The following SGCD variants were observed in gnomAD, a reference collection of about 807,000 sequenced individuals.
The protein encoded by SGCD is delta-sarcoglycan.
In SGCD, 18 loss-of-function variants were observed where a neutral mutation model predicts 36.6. The ratio of observed to expected loss-of-function variants is 0.49; its 90% CI spans 0.34 to 0.73. SGCD has a LOEUF of 0.73. Ranked by LOEUF, SGCD falls within the 30% of genes least tolerant of loss-of-function variation. The pLI, the probability that SGCD is intolerant of heterozygous loss-of-function variation, is 0.01. For missense variants in SGCD, 387 were observed against 346.7 expected (o/e 1.12, Z -0.92); for synonymous variants, 133 against 130.6 (o/e 1.02, Z -0.12).
intron 7 of SGCD, among the ~76,000 whole-genome samples, chr5:156,690,764 A>T (rs1237531723): frequency 6.6e-6 from 1 of 152,318 alleles, no homozygotes; most frequent in African/African-American, 2.4e-5. Context: ...CATTGGTTTA[A>T]TGTAGCAGAG....
intron 1 of SGCD, among the ~76,000 whole-genome samples, chr5:155,902,579 G>C (rs1391690099): frequency 6.6e-6 from 1 of 152,096 alleles, no homozygotes; most frequent in African/African-American, 2.4e-5. Flanking sequence ...ACCAGGTCAG[G>C]AACCCCAGTG....
chr5:156,484,161 T>C (rs1755559992), intron 3 of SGCD, among the ~76,000 whole-genome samples: 1 of 152,206 alleles, frequency 6.6e-6, no homozygotes, highest in African/African-American at 2.4e-5. Context: ...AACGACATTG[T>C]CATTAAAGAA....
chr5:155,763,927 G>A, the SGCD span, among the ~76,000 whole-genome samples: 1 of 143,716 alleles, frequency 7.0e-6, no homozygotes, highest in Admixed American at 6.8e-5. Flanking sequence ...TTCTTCTTTT[G>A]GAAGGACAAA....
At chr5:155,782,518 A>G in the SGCD span, among the ~76,000 whole-genome samples, 6 of 152,340 alleles carry the variant, frequency 3.9e-5, no homozygotes, top group Non-Finnish European at 7.3e-5. Context: ...TAGTAATTTC[A>G]GTAACTGTCT....
chr5:156,435,865 C>T (rs1275002456), intron 3 of SGCD, among the ~76,000 whole-genome samples: 1 of 152,094 alleles, frequency 6.6e-6, no homozygotes, highest in Admixed American at 6.6e-5. Flanking sequence ...AGGGAGAAAC[C>T]CTTAACTCCC....
chr5:156,026,928 A>G (rs1242690972), intron 1 of SGCD, among the ~76,000 whole-genome samples: 2 of 152,216 alleles, frequency 1.3e-5, no homozygotes, highest in Non-Finnish European at 2.9e-5. Flanking sequence ...TGATGAAAAA[A>G]AATATGAATG....
chr5:156,165,537 A>T (rs1164847174), intron 3 of SGCD, among the ~76,000 whole-genome samples: 1 of 152,182 alleles, frequency 6.6e-6, no homozygotes, highest in African/African-American at 2.4e-5. Context: ...AAGATGATGG[A>T]TCCCAGATGT....
chr5:156,207,099 C>T (rs1764300966), intron 3 of SGCD, among the ~76,000 whole-genome samples: 1 of 152,060 alleles, frequency 6.6e-6, no homozygotes, highest in East Asian at 1.9e-4. Context: ...CAGAGAAACA[C>T]CTGCCTGTAG....
chr5:156,602,031 G>A (rs2113416153), intron 6 of SGCD, among the ~76,000 whole-genome samples: 2 of 152,216 alleles, frequency 1.3e-5, no homozygotes, highest in South Asian at 4.1e-4. Flanking sequence ...AGAATGTTTT[G>A]GGTAGTATGG....
intron 6 of SGCD, among the ~76,000 whole-genome samples, chr5:156,618,886 G>A (rs958836704): frequency 5.3e-5 from 8 of 152,132 alleles, no homozygotes; most frequent in Admixed American, 2.0e-4. Context: ...GACCTTCCCA[G>A]CTGCTCAGCC....
chr5:156,579,498 T>C (rs1208037762), intron 4 of SGCD, among the ~76,000 whole-genome samples: 1 of 152,168 alleles, frequency 6.6e-6, no homozygotes, highest in African/African-American at 2.4e-5. Context: ...ATCTGTCTAA[T>C]ATTGACAGTG....
intron 1 of SGCD, among the ~76,000 whole-genome samples, chr5:156,072,457 C>G (rs921114161): frequency 5.3e-5 from 8 of 151,936 alleles, no homozygotes; most frequent in Non-Finnish European, 1.0e-4. Context: ...TGAATATTGG[C>G]CCCCACTCTC....
chr5:156,410,389 G>C (rs986713327), intron 3 of SGCD, among the ~76,000 whole-genome samples: 1 of 152,132 alleles, frequency 6.6e-6, no homozygotes, highest in Non-Finnish European at 1.5e-5. Context: ...CTACTGGGGA[G>C]GGGGGCAAGG....
the SGCD span, among the ~76,000 whole-genome samples, chr5:155,785,259 A>G: frequency 3.8e-4 from 58 of 152,298 alleles, no homozygotes; most frequent in African/African-American, 1.3e-3. Flanking sequence ...CTCTCCACGG[A>G]CAAGTTTTAT....
the SGCD span, among the ~76,000 whole-genome samples, chr5:155,850,821 G>T: frequency 6.6e-6 from 1 of 152,164 alleles, no homozygotes; most frequent in South Asian, 2.1e-4. Flanking sequence ...ATACAAAGAT[G>T]CATGAGACAT....
chr5:156,160,072 G>A (rs774744189), intron 3 of SGCD, among the ~76,000 whole-genome samples: 4 of 151,446 alleles, frequency 2.6e-5, no homozygotes, highest in East Asian at 1.9e-4. Context: ...TTCACGAACT[G>A]AAATCTGTCT....
At chr5:156,231,251 C>T (rs1219949982) in intron 3 of SGCD, among the ~76,000 whole-genome samples, 3 of 152,084 alleles carry the variant, frequency 2.0e-5, no homozygotes, top group Non-Finnish European at 4.4e-5. Flanking sequence ...TATTGGTGAA[C>T]GTGTCCAGGC....
At chr5:156,679,241 CCTGTT>C (rs749837612) in intron 7 of SGCD, among the ~76,000 whole-genome samples, 2 of 152,160 alleles carry the variant, frequency 1.3e-5, no homozygotes, top group African/African-American at 2.4e-5. Context: ...ACTTTGAACT[CCTGTT>C]CTGTCAATGT....
intron 3 of SGCD, among the ~76,000 whole-genome samples, chr5:156,173,982 A>T (rs7736255): frequency 0.07 from 10,633 of 152,268 alleles, 977 homozygotes; most frequent in African/African-American, 0.21. Context: ...GAGCATAATT[A>T]TTCCTGTTGA....
Sources: allele counts gnomAD v4.1 joint callset (sites outside exome capture counted in the v4.1 genomes callset), GRCh38; gene constraint gnomAD v4.1.1; transcripts MANE v1.5; gene names NCBI Gene and HGNC (gene_info 2026-07-23, HGNC 2026-07-21).